Variants in MXI1 observed in about 807,000 individuals in gnomAD.
MXI1 encodes MAX interactor 1, dimerization protein, also known as max-interacting protein 1.
Under a neutral mutation model 36.9 loss-of-function variants are expected in MXI1, and 18 were observed. The ratio of observed to expected loss-of-function variants is 0.49; its 90% CI spans 0.34 to 0.72. The LOEUF is 0.72. MXI1 is among the 30% of genes least tolerant of loss of function. The pLI, the probability that MXI1 is intolerant of heterozygous loss-of-function variation, is 0.01. For synonymous variants in MXI1, 160 were observed against 146.7 expected, an observed-to-expected ratio of 1.09 and a Z score of -0.65; for missense variants, 304 against 379.1, an observed-to-expected ratio of 0.80 and a Z score of 1.64.
intron 3 of MXI1, among the ~76,000 whole-genome samples, chr10:110,265,915 T>G (rs1030587777): frequency 2.0e-5 from 3 of 152,166 alleles, no homozygotes; most frequent in Non-Finnish European, 4.4e-5. Flanking sequence ...TACATCTGAG[T>G]CTCTTTTGCT....
At chr10:110,269,447 G>A (rs556597464) in intron 3 of MXI1, among the ~76,000 whole-genome samples, 3 of 152,202 alleles carry the variant, frequency 2.0e-5, no homozygotes, top group Non-Finnish European at 2.9e-5. Context: ...GTGCTGTTTT[G>A]TGCTATGTAA....
chr10:110,221,889 G>A (rs370374490), intron 1 of MXI1, among the ~76,000 whole-genome samples: 39 of 152,288 alleles, frequency 2.6e-4, no homozygotes, highest in African/African-American at 9.4e-4. Flanking sequence ...GTGTGGTTGG[G>A]ATGTCAGCCG....
intron 2 of MXI1, among the ~76,000 whole-genome samples, chr10:110,235,696 A>G (rs1855437650): frequency 9.1e-6 from 1 of 109,946 alleles, no homozygotes; most frequent in Non-Finnish European, 1.9e-5. Flanking sequence ...TCAAAAAATA[A>G]ATAAATAAAT....
At chr10:110,243,287 G>A (rs1000636479) in intron 2 of MXI1, among the ~76,000 whole-genome samples, 3 of 152,028 alleles carry the variant, frequency 2.0e-5, no homozygotes, top group African/African-American at 7.2e-5. Context: ...TTCCCTCAAA[G>A]GAGAAGTCCT....
At chr10:110,227,361 G>C in intron 1 of MXI1, 1 of 986,954 alleles carries the variant, frequency 1.0e-6, no homozygotes, top group Non-Finnish European at 1.2e-6. Flanking sequence ...GATCGTGAGT[G>C]GAGGCGTGTG....
At chr10:110,284,556 G>A (rs916595532) in intron 5 of MXI1, among the ~76,000 whole-genome samples, 2 of 152,128 alleles carry the variant, frequency 1.3e-5, no homozygotes, top group Admixed American at 6.5e-5. Flanking sequence ...TCCCAAATAC[G>A]CCAAGTGCTT....
At chr10:110,282,256 T>C (rs898035987) in intron 5 of MXI1, among the ~76,000 whole-genome samples, 2 of 151,636 alleles carry the variant, frequency 1.3e-5, no homozygotes, top group South Asian at 2.1e-4. Flanking sequence ...TTAAATTCTT[T>C]TGAATGCTCA....
At chr10:110,230,933 T>C (rs1426228415) in intron 2 of MXI1, among the ~76,000 whole-genome samples, 1 of 152,248 alleles carries the variant, frequency 6.6e-6, no homozygotes, top group Admixed American at 6.5e-5. Context: ...TAGCTGTTAT[T>C]TTATTACTAT....
At chr10:110,217,064 T>G (rs751963895) in intron 1 of MXI1, among the ~76,000 whole-genome samples, 8 of 152,088 alleles carry the variant, frequency 5.3e-5, no homozygotes, top group Admixed American at 6.5e-5. Flanking sequence ...TAAGCAACCT[T>G]GTAAGTAAAT....
At chr10:110,227,503 T>G (rs1590342489) in intron 1 of MXI1, 1 of 977,134 alleles carries the variant, frequency 1.0e-6, no homozygotes, top group Non-Finnish European at 1.2e-6. Flanking sequence ...GGAGAGAGGG[T>G]GACCGTGGAG....
rs1854476371 is a variant in MXI1, at chr10:110,210,162, G to GC, written c.274+2081dup. 3 of 793,320 alleles carry GC rather than the reference G, an allele frequency of 3.8e-6. No individual in the cohort carries two copies. The African/African-American group carries it at 5.6e-5, about 15-fold the overall frequency. The allele number at this position is 793,320 out of a possible 1,614,324, so 49.1% of individuals were successfully genotyped here. ...GCGCGCCGGGCTTGGGCTGCCCCGC[G>GC]CGGGGCGGGCCCGTGGCGGCGTAAC... On this transcript the variant is annotated intron_variant, in intron 1 of 5. Coordinates refer to ENST00000332674, the MANE Select transcript of MXI1 (RefSeq NM_130439.3).
chr10:110,233,842 T>C (rs1855360833), intron 2 of MXI1, among the ~76,000 whole-genome samples: 2 of 152,206 alleles, frequency 1.3e-5, no homozygotes, highest in Admixed American at 6.5e-5. Context: ...CTTAAGGTTA[T>C]ATTCCTCTAT....
intron 1 of MXI1, chr10:110,227,899 T>G (rs1009821403): frequency 1.3e-5 from 5 of 388,796 alleles, no homozygotes; most frequent in Non-Finnish European, 2.4e-5. Context: ...GGTCACAAAA[T>G]TTTTGTTCTA....
chr10:110,220,408 G>C (rs776501290), intron 1 of MXI1, among the ~76,000 whole-genome samples: 3 of 152,200 alleles, frequency 2.0e-5, no homozygotes, highest in Non-Finnish European at 2.9e-5. Context: ...CTATACCTTG[G>C]ACAGGCAAGA....
chr10:110,263,071 G>A (rs138488014), intron 3 of MXI1, among the ~76,000 whole-genome samples: 1 of 152,154 alleles, frequency 6.6e-6, no homozygotes, highest in African/African-American at 2.4e-5. Flanking sequence ...TATCTGACAC[G>A]GTGCCTTGCA....
chr10:110,214,279 C>T (rs1564703828), intron 1 of MXI1, among the ~76,000 whole-genome samples: 1 of 152,160 alleles, frequency 6.6e-6, no homozygotes, highest in Non-Finnish European at 1.5e-5. Context: ...CCTGCACACA[C>T]CTTGCTTAGA....
chr10:110,279,093 CA>C, intron 3 of MXI1, 86 bp from the exon 4 acceptor site: 3 of 1,046,018 alleles, frequency 2.9e-6, no homozygotes, highest in Non-Finnish European at 4.3e-6. Context: ...TGAATAAATG[CA>C]AATTATTGTT....
At chr10:110,260,986 T>TGTATC in intron 3 of MXI1, 1 of 984,876 alleles carries the variant, frequency 1.0e-6, no homozygotes. Flanking sequence ...ATTATATTGT[T>TGTATC]GTATCTCATC....
chr10:110,262,522 A>G (rs993436549), intron 3 of MXI1, among the ~76,000 whole-genome samples: 2 of 152,130 alleles, frequency 1.3e-5, no homozygotes, highest in African/African-American at 4.8e-5. Context: ...GTGAGATTCA[A>G]GGGGAAACGA....
Sources: allele counts gnomAD v4.1 joint callset (sites outside exome capture counted in the v4.1 genomes callset), GRCh38; gene constraint gnomAD v4.1.1; transcripts MANE v1.5; gene names NCBI Gene and HGNC (gene_info 2026-07-23, HGNC 2026-07-21).